Variants in PDHX observed in about 807,000 individuals in gnomAD.
The protein encoded by PDHX is pyruvate dehydrogenase complex component X.
In PDHX, 33 loss-of-function variants were observed where a neutral mutation model predicts 55.3. That is an observed-to-expected ratio of 0.60 (90% CI 0.45 to 0.80). The LOEUF is 0.80. Among genes scored for constraint, PDHX ranks in the 30% least tolerant of loss-of-function variants. PDHX has a pLI of 0.00. For missense variants in PDHX, 622 were observed against 619.9 expected, an observed-to-expected ratio of 1.00 and a Z score of -0.04; for synonymous variants, 226 against 219.4, an observed-to-expected ratio of 1.03 and a Z score of -0.27.
intron 9 of PDHX, among the ~76,000 whole-genome samples, chr11:34,989,743 A>G (rs1326866964): frequency 1.3e-5 from 2 of 152,032 alleles, no homozygotes; most frequent in Non-Finnish European, 2.9e-5. Context: ...AACACTCTTT[A>G]TCTCATTACC....
In PDHX at chr11:34,980,553, A is replaced by G. The variant is rs551450063; in HGVS notation, c.1023+2371A>G. Among the ~76,000 whole-genome samples the G allele has an allele frequency of 4.0e-5, 6 of 151,878 alleles. No individual in the cohort carries two copies. In the East Asian group the frequency reaches 9.7e-4, roughly 25 times the overall value. ...TTCTTCATTCATGAGGGTTTTGTTT[A>G]GTTTCTCTTTTACTTTAGTGTTGTC... On this transcript the variant is annotated intron_variant, in intron 8 of 10. Transcript: ENST00000227868.
chr11:34,916,752 C>T lies in PDHX; in HGVS notation c.97C>T (p.Leu33Phe), dbSNP rs757970464. Reference protein sequence around the residue: ...RRSVGLVKGALGWSVSRGANW... With the variant: ...RRSVGLVKGAFGWSVSRGANW... ...AAGCGTAGGGCTGGTGAAGGGGGCT[C>T]TTGGGTGGTCTGTAAGCCGCGGAGC... The change falls in exon 1 of 11, where the codon CTT (leucine) becomes TTT (phenylalanine). Residue 33 changes from leucine to phenylalanine, a missense_variant. Coordinates refer to ENST00000227868, the MANE Select transcript of PDHX (RefSeq NM_003477.3). The T allele has an allele frequency of 2.5e-6, 4 of 1,612,314 alleles. No individual in the cohort carries two copies. The highest frequency in any genetic ancestry group is 1.7e-5 in the Admixed American group (1 of 59,816).
chr11:34,919,257 C>T (rs1337329793), intron 1 of PDHX, among the ~76,000 whole-genome samples: 1 of 150,964 alleles, frequency 6.6e-6, no homozygotes, highest in Non-Finnish European at 1.5e-5. Context: ...CGTGGCAATC[C>T]TTGAACTATT....
intron 6 of PDHX, among the ~76,000 whole-genome samples, chr11:34,969,023 G>A (rs1468754936): frequency 6.6e-6 from 1 of 152,130 alleles, no homozygotes; most frequent in Non-Finnish European, 1.5e-5. Context: ...TGCAATGCTG[G>A]GCAGTAGCGG....
Position 34,995,480 on chromosome 11 carries a change from C to T in PDHX, c.*308C>T. The T allele has an allele frequency of 2.9e-6, 1 of 345,062 alleles. No individual in the cohort carries two copies. The highest frequency in any genetic ancestry group is 5.5e-6 in the Non-Finnish European group (1 of 180,468). The allele number at this position is 345,062 out of a possible 1,614,324, so 21.4% of individuals were successfully genotyped here. A position where few individuals can be genotyped will look rare whatever the true frequency, so the allele number is the denominator to read the frequency against. Reference sequence around the variant, plus strand: ...TGTAAATCAAAGTATATGTTTGGCTCATTTGAGCATTTTGGAATATTTGAG... The same window carrying T: ...TGTAAATCAAAGTATATGTTTGGCTTATTTGAGCATTTTGGAATATTTGAG... On this transcript the variant is annotated 3_prime_UTR_variant, in exon 11 of 11. Transcript: ENST00000227868.
chr11:34,974,863 G>A (rs1315332009), intron 7 of PDHX, among the ~76,000 whole-genome samples: 1 of 152,124 alleles, frequency 6.6e-6, no homozygotes, highest in African/African-American at 2.4e-5. Context: ...AGCTATAATT[G>A]CACCACTTAA....
intron 8 of PDHX, 124 bp from the exon 9 acceptor site, chr11:34,984,446 T>C (rs1855596197): frequency 2.5e-6 from 2 of 794,362 alleles, no homozygotes; most frequent in African/African-American, 1.7e-5. Context: ...TCAAACGAAA[T>C]TTTTATTTAT....
upstream of PDHX, chr11:34,916,073 A>T: frequency 2.0e-6 from 2 of 1,001,690 alleles, no homozygotes; most frequent in Non-Finnish European, 2.8e-6. Flanking sequence ...TCCGAACGCC[A>T]AGGTCGCGGT....
chr11:34,936,096 T>G (rs1854302258), intron 2 of PDHX, among the ~76,000 whole-genome samples: 1 of 152,158 alleles, frequency 6.6e-6, no homozygotes, highest in African/African-American at 2.4e-5. Context: ...AAGTATTTAC[T>G]TGAGAACACT....
chr11:34,980,671 A>G (rs1855490691), intron 8 of PDHX, among the ~76,000 whole-genome samples: 1 of 152,136 alleles, frequency 6.6e-6, no homozygotes, highest in South Asian at 2.1e-4. Flanking sequence ...GCCTTGAAAG[A>G]TGGAAAAATG....
chr11:34,949,856 A>C (rs1273182536), intron 3 of PDHX, among the ~76,000 whole-genome samples: 1 of 152,178 alleles, frequency 6.6e-6, no homozygotes, highest in African/African-American at 2.4e-5. Flanking sequence ...CAATATATTT[A>C]TTGATAGATT....
chr11:34,928,436 G>C (rs1370552971), intron 1 of PDHX, among the ~76,000 whole-genome samples: 1 of 149,204 alleles, frequency 6.7e-6, no homozygotes, highest in Non-Finnish European at 1.5e-5. Context: ...CTATTTAAAA[G>C]ATAAGAGTTT....
Position 34,966,786 on chromosome 11 carries a change from T to G in PDHX, c.788T>G (p.Val263Gly), listed in dbSNP as rs770197938. The G allele has an allele frequency of 1.2e-6, 2 of 1,613,932 alleles. No individual in the cohort carries two copies. The highest frequency in any genetic ancestry group is 2.7e-5 in the African/African-American group (2 of 74,928). Residue 263 changes from valine (V) to glycine (G), a missense_variant, in exon 6 of 11, where the codon GTA becomes GGA. Val to Gly is a moderately radical substitution (Grantham distance 109). Transcript: ENST00000227868. ...TATCCCCGGCCTGTGATCCCACCAGTATCAACTCCTGGACAACCCAATGCA... is the reference window on the plus strand; with the variant it reads ...TATCCCCGGCCTGTGATCCCACCAGGATCAACTCCTGGACAACCCAATGCA... ...PSYPRPVIPP[V>G]STPGQPNAVG...
intron 3 of PDHX, among the ~76,000 whole-genome samples, chr11:34,956,291 C>T (rs1231937454): frequency 6.6e-6 from 1 of 152,098 alleles, no homozygotes; most frequent in Non-Finnish European, 1.5e-5. Context: ...TTCCTAACCC[C>T]TTATAACTTA....
chr11:34,986,881 T>C (rs1855657828), intron 9 of PDHX, among the ~76,000 whole-genome samples: 1 of 152,170 alleles, frequency 6.6e-6, no homozygotes, highest in South Asian at 2.1e-4. Flanking sequence ...TCTACCTGCT[T>C]CTCTTTCCCA....
At chr11:34,946,296 T>C (rs1384555172) in intron 2 of PDHX, among the ~76,000 whole-genome samples, 1 of 152,156 alleles carries the variant, frequency 6.6e-6, no homozygotes, top group Non-Finnish European at 1.5e-5. Context: ...TTTTTTTTAA[T>C]TTCTTGTTCT....
At chr11:34,923,077 T>C (rs762272830) in intron 1 of PDHX, among the ~76,000 whole-genome samples, 21 of 152,274 alleles carry the variant, frequency 1.4e-4, no homozygotes, top group Middle Eastern at 6.8e-3. Flanking sequence ...TCAAAGGAAA[T>C]GCATTCTACA....
chr11:34,921,493 C>A (rs1314270087), intron 1 of PDHX, among the ~76,000 whole-genome samples: 1 of 152,200 alleles, frequency 6.6e-6, no homozygotes, highest in Non-Finnish European at 1.5e-5. Context: ...AAGGCTGATT[C>A]TTTCGAAGGC....
intron 9 of PDHX, among the ~76,000 whole-genome samples, chr11:34,987,951 G>A (rs1855685763): frequency 6.6e-6 from 1 of 152,068 alleles, no homozygotes; most frequent in African/African-American, 2.4e-5. Flanking sequence ...CCCCAAAAAG[G>A]GTAGACAGTA....
Sources: gnomAD v4.1 joint callset for allele counts (sites outside exome capture counted in the v4.1 genomes callset) on GRCh38, gnomAD v4.1.1 for gene constraint, MANE v1.5 for transcripts, NCBI Gene and HGNC (gene_info 2026-07-23, HGNC 2026-07-21) for gene names.